JAK2: variants seen among roughly 807,000 people sequenced by gnomAD.
JAK2 encodes Janus kinase 2, also known as tyrosine-protein kinase JAK2.
In JAK2, 86 loss-of-function variants were observed where a neutral mutation model predicts 139.3. The ratio of observed to expected loss-of-function variants is 0.62; its 90% CI spans 0.52 to 0.74. JAK2 has a LOEUF of 0.74. Among genes scored for constraint, JAK2 ranks in the 30% least tolerant of loss-of-function variants. The pLI is 0.00. For missense variants in JAK2, 1,421 were observed against 1,360.3 expected (o/e 1.04, Z -0.70); for synonymous variants, 490 against 437.7 (o/e 1.12, Z -1.49).
intron 22 of JAK2, chr9:5,111,846 C>T (rs1822589453): frequency 2.5e-6 from 1 of 399,768 alleles, no homozygotes; most frequent in Non-Finnish European, 4.9e-6. Flanking sequence ...TCGGCGGGGC[C>T]GACAACCTCC....
At chr9:5,112,403 G>C (rs865812817) in intron 22 of JAK2, 2 of 460,038 alleles carry the variant, frequency 4.3e-6, no homozygotes, top group Middle Eastern at 7.5e-4. Flanking sequence ...GGGAGGAGGA[G>C]GATGAGGAGA....
At chr9:5,084,437 G>A (rs773888621) in intron 19 of JAK2, among the ~76,000 whole-genome samples, 15 of 152,118 alleles carry the variant, frequency 9.9e-5, no homozygotes, top group African/African-American at 3.6e-4. Context: ...GTATCCCTTT[G>A]TTATCCTTTT....
intron 16 of JAK2, 66 bp downstream of exon 16, chr9:5,078,510 G>A (rs2130592995): frequency 8.0e-7 from 1 of 1,243,630 alleles, no homozygotes; most frequent in East Asian, 2.5e-5. Flanking sequence ...TAAAGGGCAT[G>A]TTGTTAATTT....
chr9:5,121,025 T>C (rs1325344670), intron 22 of JAK2, among the ~76,000 whole-genome samples: 2 of 152,176 alleles, frequency 1.3e-5, no homozygotes, highest in Non-Finnish European at 2.9e-5. Flanking sequence ...TGGATGATAC[T>C]ATCTAAGGGA....
intron 5 of JAK2, among the ~76,000 whole-genome samples, chr9:5,047,107 T>A (rs1268597301): frequency 6.6e-6 from 1 of 152,216 alleles, no homozygotes; most frequent in African/African-American, 2.4e-5. Context: ...ACAAGCAATT[T>A]TCTATTTTTT....
At position 5,129,223 on chromosome 9, in the gene JAK2, T is replaced by C. The variant is rs1824189911; in HGVS notation, c.*2432T>C. Among the ~76,000 whole-genome samples the C allele has an allele frequency of 6.6e-6, 1 of 152,114 alleles. No homozygotes were observed. Among genetic ancestry groups the C allele is most frequent in the Non-Finnish European group, 1.5e-5 (1 of 67,948 alleles). On this transcript the variant is annotated 3_prime_UTR_variant, in exon 25 of 25. Coordinates refer to ENST00000381652, the MANE Select transcript of JAK2 (RefSeq NM_004972.4). ...GGTGTGGCATTATGTGCTCACTTTA[T>C]TGAGCCTATGTTAATTTCTTTAGCA... is the stretch of plus-strand genomic sequence containing the variant.
intron 2 of JAK2, among the ~76,000 whole-genome samples, chr9:5,019,383 T>C (rs1277332010): frequency 6.6e-6 from 1 of 152,132 alleles, no homozygotes; most frequent in Non-Finnish European, 1.5e-5. Flanking sequence ...TCTTGTTTTC[T>C]TTTTAAATGA....
chr9:5,073,586 A>T, intron 13 of JAK2, 112 bp from the exon 14 acceptor site: 1 of 788,988 alleles, frequency 1.3e-6, no homozygotes, highest in Non-Finnish European at 2.1e-6. Context: ...CCTCATCTAT[A>T]GTCATGCTGA....
intron 15 of JAK2, among the ~76,000 whole-genome samples, chr9:5,078,094 C>G (rs1056607106): frequency 2.0e-5 from 3 of 152,166 alleles, no homozygotes; most frequent in Admixed American, 1.3e-4. Context: ...TTAATTTATT[C>G]ATTTCATCAC....
chr9:5,091,041 T>G (rs982040894), intron 22 of JAK2, 130 bp downstream of exon 22: 1 of 707,122 alleles, frequency 1.4e-6, no homozygotes. Flanking sequence ...AGTCTTACAT[T>G]TAACTTTTTT....
chr9:5,085,549 A>T, intron 19 of JAK2: 1 of 702,028 alleles, frequency 1.4e-6, no homozygotes, highest in East Asian at 2.6e-5. Flanking sequence ...TCGGGTTAAA[A>T]TAGATATAAC....
intron 3 of JAK2, among the ~76,000 whole-genome samples, chr9:5,028,490 T>A (rs1450417611): frequency 6.6e-6 from 1 of 152,200 alleles, no homozygotes; most frequent in East Asian, 1.9e-4. Context: ...TAAAAGTCAC[T>A]TGTTGCATTA....
chr9:5,034,375 T>A (rs985779502), intron 4 of JAK2, among the ~76,000 whole-genome samples: 2 of 152,012 alleles, frequency 1.3e-5, no homozygotes, highest in African/African-American at 4.8e-5. Context: ...TGAATTCAGC[T>A]CTGGACCAAG....
At chr9:5,103,390 A>G (rs1272095184) in intron 22 of JAK2, among the ~76,000 whole-genome samples, 1 of 152,072 alleles carries the variant, frequency 6.6e-6, no homozygotes, top group Non-Finnish European at 1.5e-5. Flanking sequence ...ATATATAGGT[A>G]CCCAATACAG....
rs1163843747 is a variant in JAK2 at position 5,080,609 on chromosome 9, G to A, written c.2360G>A (p.Cys787Tyr). ...WAELANLINN[C>Y]MDYEPDFRPS... ...GAATTAGCAAACCTTATAAATAATT[G>A]TATGGATTATGAACCAGATTTCAGG... is the stretch of plus-strand genomic sequence containing the variant. Residue 787 changes from cysteine (C) to tyrosine (Y), a missense_variant, in exon 18 of 25, where the codon TGT (cysteine) becomes TAT (tyrosine). Transcript: ENST00000381652. 6.2e-7 allele frequency: 1 copy of A among 1,607,984 alleles called. No individual in the cohort carries two copies. Among genetic ancestry groups the A allele is most frequent in the Admixed American group, 1.7e-5 (1 of 58,974 alleles).
intron 3 of JAK2, among the ~76,000 whole-genome samples, chr9:5,024,178 C>A (rs1459763702): frequency 6.6e-6 from 1 of 152,108 alleles, no homozygotes. Context: ...ATGGCATGAA[C>A]CCAGGAGGCG....
chr9:5,117,559 G>A (rs1476472361), intron 22 of JAK2, among the ~76,000 whole-genome samples: 1 of 152,034 alleles, frequency 6.6e-6, no homozygotes, highest in Non-Finnish European at 1.5e-5. Context: ...ACATTGAAGA[G>A]ACTTGCAAAA....
At chr9:5,008,849 G>A (rs951123128) in intron 2 of JAK2, among the ~76,000 whole-genome samples, 1 of 151,910 alleles carries the variant, frequency 6.6e-6, no homozygotes, top group Non-Finnish European at 1.5e-5. Context: ...CTTCTCTTTA[G>A]AATTGTACTC....
intron 2 of JAK2, among the ~76,000 whole-genome samples, chr9:4,993,252 G>A (rs1003393590): frequency 1.3e-5 from 2 of 152,114 alleles, no homozygotes; most frequent in Non-Finnish European, 2.9e-5. Context: ...ATAATATTTC[G>A]TCTGAAAGGA....
Sources: gnomAD v4.1 joint callset for allele counts (sites outside exome capture counted in the v4.1 genomes callset) on GRCh38, gnomAD v4.1.1 for gene constraint, MANE v1.5 for transcripts, NCBI Gene and HGNC (gene_info 2026-07-23, HGNC 2026-07-21) for gene names.